Variants in CCDC90B observed in about 807,000 individuals in gnomAD.
The protein encoded by CCDC90B is coiled-coil domain containing 90B.
In CCDC90B, 24 loss-of-function variants were observed where a neutral mutation model predicts 37.0. The observed-to-expected ratio is 0.65, with a 90% CI of 0.47 to 0.91. The LOEUF (loss-of-function observed/expected upper bound fraction) is 0.91. CCDC90B is among the 40% of genes least tolerant of loss of function. CCDC90B has a pLI of 0.00. For synonymous variants in CCDC90B, 113 were observed against 101.1 expected (o/e 1.12, Z -0.71); for missense variants, 319 against 299.0 (o/e 1.07, Z -0.49).
intron 1 of CCDC90B, among the ~76,000 whole-genome samples, chr11:83,281,190 C>T (rs1565220078): frequency 6.6e-6 from 1 of 152,172 alleles, no homozygotes; most frequent in South Asian, 2.1e-4. Flanking sequence ...TCTTATGTAT[C>T]TTAAGTCACT....
In CCDC90B at chr11:83,285,855, C is replaced by A; in HGVS notation, c.100+18G>T. On this transcript the variant is annotated intron_variant, in intron 1 of 8. Transcript: ENST00000529689. ...CTAGAGAGCACTCAGGCATCTATGA[C>A]ACGACGCCTTGCCTCACCTCTCCGC... 1 of 1,605,342 alleles carries A rather than the reference C, an allele frequency of 6.2e-7. No homozygotes were observed. The highest frequency in any genetic ancestry group is 8.5e-7 in the Non-Finnish European group (1 of 1,177,384).
chr11:83,283,736 C>T (rs1012173341), intron 1 of CCDC90B, among the ~76,000 whole-genome samples: 12 of 152,116 alleles, frequency 7.9e-5, no homozygotes, highest in African/African-American at 1.2e-4. Context: ...CCAAGGCAGG[C>T]GGATTGCTTG....
chr11:83,271,588 T>C (rs549870877), intron 7 of CCDC90B, among the ~76,000 whole-genome samples: 37 of 152,320 alleles, frequency 2.4e-4, no homozygotes, highest in African/African-American at 8.4e-4. Flanking sequence ...CCAGTTGGAA[T>C]GGCAGTCATT....
At chr11:83,285,655 G>T in intron 1 of CCDC90B, 1 of 1,390,494 alleles carries the variant, frequency 7.2e-7, no homozygotes, top group Non-Finnish European at 9.3e-7. Flanking sequence ...TCAAAGGTTC[G>T]CTTTAAGAAC....
intron 7 of CCDC90B, among the ~76,000 whole-genome samples, chr11:83,270,908 A>G (rs538762471): frequency 6.6e-6 from 1 of 152,348 alleles, no homozygotes; most frequent in East Asian, 1.9e-4. Context: ...ACAGCATGGT[A>G]CTGGTACCAA....
chr11:83,286,317 G>C lies in CCDC90B; in HGVS notation c.-345C>G. On this transcript the variant is annotated 5_prime_UTR_variant, in exon 1 of 9. The change creates a new upstream start codon in the 5' untranslated region. Transcript: ENST00000529689. ...ATAGTCCAACAGCTGGCTCCCCCAA[G>C]ATAGCCAGCGGCCATTACGCGCTTG... The C allele has an allele frequency of 2.3e-6, 2 of 884,170 alleles. No homozygotes were observed. Among genetic ancestry groups the C allele is most frequent in the Admixed American group, 2.8e-5 (1 of 36,168 alleles). The allele number at this position is 884,170 out of a possible 1,614,324, so 54.8% of individuals were successfully genotyped here. A position where few individuals can be genotyped will look rare whatever the true frequency, so the allele number is the denominator to read the frequency against.
At chr11:83,277,734 G>C (rs970083934) in intron 3 of CCDC90B, among the ~76,000 whole-genome samples, 5 of 151,712 alleles carry the variant, frequency 3.3e-5, no homozygotes, top group African/African-American at 7.3e-5. Flanking sequence ...GACCTCAAGT[G>C]ATCTGTGTAC....
rs370433834 is a variant in CCDC90B at position 83,279,230 on chromosome 11, G to A, written c.221-401C>T. 1.8e-3 allele frequency among the ~76,000 whole-genome samples: 268 copies of A among 151,842 alleles called. 1 individual carries two copies. Among genetic ancestry groups the A allele is most frequent in the Middle Eastern group, 0.014 (4 of 292 alleles). ...TGGGAGGCAGAGCTTGCAGTAAGCC[G>A]AGATCGCGCCACTTTACTCCAGCCT... On this transcript the variant is annotated intron_variant, in intron 2 of 8. Coordinates refer to ENST00000529689, the MANE Select transcript of CCDC90B (RefSeq NM_021825.5).
chr11:83,279,718 T>C (rs188115081), intron 2 of CCDC90B, among the ~76,000 whole-genome samples: 2 of 152,200 alleles, frequency 1.3e-5, no homozygotes, highest in South Asian at 4.1e-4. Flanking sequence ...CATATTAAAT[T>C]CATGTCTGTG....
Position 83,273,941 on chromosome 11 carries a change from AT to A in CCDC90B, c.468+9del, listed in dbSNP as rs113915821. 10 of 1,592,848 alleles carry A rather than the reference AT, an allele frequency of 6.3e-6. No individual in the cohort carries two copies. The highest frequency in any genetic ancestry group is 2.3e-5 in the South Asian group (2 of 87,430). On this transcript the variant is annotated intron_variant, in intron 5 of 8. Coordinates refer to ENST00000529689, the MANE Select transcript of CCDC90B (RefSeq NM_021825.5). ...TCTGAAATTAACAGCTAGAAAAAAA[AT>A]TCACTTACCATTAGTTGTTGCTTAA...
intron 1 of CCDC90B, among the ~76,000 whole-genome samples, chr11:83,284,180 C>T (rs754030773): frequency 3.3e-5 from 5 of 151,934 alleles, no homozygotes; most frequent in Non-Finnish European, 5.9e-5. Flanking sequence ...TTTGTTTGTT[C>T]GTAATAGCGA....
chr11:83,262,846 C>T (rs1864007555), intron 8 of CCDC90B, among the ~76,000 whole-genome samples: 1 of 152,132 alleles, frequency 6.6e-6, no homozygotes, highest in African/African-American at 2.4e-5. Context: ...GAAGTAATAA[C>T]ACTAAGAGTT....
At chr11:83,274,786 CTTT>C in intron 3 of CCDC90B, 46 bp from the exon 4 acceptor site, 2 of 1,194,136 alleles carry the variant, frequency 1.7e-6, no homozygotes, top group East Asian at 4.8e-5. Flanking sequence ...AGAAAGCCAT[CTTT>C]TTATTTACAG....
rs1415611109 is a variant in CCDC90B, at chr11:83,286,353, G to A, written c.-381C>T. The stretch of plus-strand genomic sequence containing the variant: ...GCCATTACGCGCTTGGGTCGGGGGA[G>A]ATGGAGTCGCATTTAGCCGCACAGC... On this transcript the variant is annotated 5_prime_UTR_variant, in exon 1 of 9. Coordinates refer to ENST00000529689, the MANE Select transcript of CCDC90B (RefSeq NM_021825.5). 1.5e-6 allele frequency: 1 copy of A among 671,360 alleles called. No homozygotes were observed. Among genetic ancestry groups the A allele is most frequent in the African/African-American group, 1.8e-5 (1 of 55,278 alleles). 41.6% of individuals were successfully genotyped at this position (671,360 alleles called of 1,614,324 possible). A position where few individuals can be genotyped will look rare whatever the true frequency, so the allele number is the denominator to read the frequency against.
intron 7 of CCDC90B, chr11:83,273,267 TG>T (rs59048605): frequency 0.23 from 31,174 of 134,224 alleles, 5,264 homozygotes; most frequent in African/African-American, 0.48. Flanking sequence ...TTTTTTTTTT[TG>T]TTTTTGAGAC....
At chr11:83,267,940 G>C (rs1434658711) in intron 7 of CCDC90B, among the ~76,000 whole-genome samples, 3 of 152,240 alleles carry the variant, frequency 2.0e-5, no homozygotes, top group Admixed American at 6.5e-5. Context: ...CCAGAAGAGA[G>C]TGGGGGCCAA....
intron 7 of CCDC90B, among the ~76,000 whole-genome samples, chr11:83,272,023 C>G (rs1864706534): frequency 6.6e-6 from 1 of 152,122 alleles, no homozygotes; most frequent in Non-Finnish European, 1.5e-5. Flanking sequence ...GGACAGAAAA[C>G]CAAACACCGC....
chr11:83,259,776 T>C lies in CCDC90B; in HGVS notation c.*2135A>G, dbSNP rs887472409. ...AACTCCTTGGCTCAAGCAATCCTGC[T>C]GCCGCAGCCTCCCAAGCAGCTAGGA... On this transcript the variant is annotated 3_prime_UTR_variant, in exon 9 of 9. Coordinates refer to ENST00000529689, the MANE Select transcript of CCDC90B (RefSeq NM_021825.5). 6.6e-6 allele frequency: 1 copy of C among 152,286 alleles called. No individual in the cohort carries two copies. Among genetic ancestry groups the C allele is most frequent in the Non-Finnish European group, 1.5e-5 (1 of 68,116 alleles). The allele number at this position is 152,286 out of a possible 1,614,324, so 9.4% of individuals were successfully genotyped here.
intron 7 of CCDC90B, among the ~76,000 whole-genome samples, chr11:83,271,126 A>G (rs1177350027): frequency 6.6e-6 from 1 of 152,246 alleles, no homozygotes; most frequent in African/African-American, 2.4e-5. Flanking sequence ...AATTAATTCA[A>G]GATGGATTAA....
Sources: gnomAD v4.1 joint callset for allele counts (sites outside exome capture counted in the v4.1 genomes callset) on GRCh38, gnomAD v4.1.1 for gene constraint, MANE v1.5 for transcripts, NCBI Gene and HGNC (gene_info 2026-07-23, HGNC 2026-07-21) for gene names.